DSCAM: variants seen among roughly 807,000 people sequenced by gnomAD.
The protein encoded by DSCAM is cell adhesion molecule DSCAM.
In DSCAM, 47 loss-of-function variants were observed where a neutral mutation model predicts 217.7. That is an observed-to-expected ratio of 0.22 (90% CI 0.17 to 0.28). DSCAM has a LOEUF of 0.28. DSCAM is among the 10% of genes least tolerant of loss of function. The probability of loss-of-function intolerance (pLI) is 1.00; values close to 1 mark genes in which losing one functional copy is unlikely to be tolerated. For synonymous variants in DSCAM, 1,056 were observed against 1,015.3 expected (o/e 1.04, Z -0.76); for missense variants, 2,080 against 2,618.3 (o/e 0.79, Z 4.49).
chr21:40,550,501 A>G (rs10211944), intron 3 of DSCAM, among the ~76,000 whole-genome samples: 85,968 of 152,026 alleles, frequency 0.57, 24,652 homozygotes, highest in South Asian at 0.62. Flanking sequence ...CTCCAGAATG[A>G]GTGACAGAGC....
intron 11 of DSCAM, among the ~76,000 whole-genome samples, chr21:40,241,529 T>C (rs192583314): frequency 6.6e-6 from 1 of 152,322 alleles, no homozygotes; most frequent in East Asian, 1.9e-4. Flanking sequence ...TGAACATTCA[T>C]ACACTGTTGG....
chr21:40,703,855 T>C (rs959343997), intron 2 of DSCAM, among the ~76,000 whole-genome samples: 1 of 152,168 alleles, frequency 6.6e-6, no homozygotes, highest in Non-Finnish European at 1.5e-5. Context: ...GTCATTAAGC[T>C]TCCTGAAGCA....
intron 32 of DSCAM, among the ~76,000 whole-genome samples, chr21:40,038,325 AAAAC>A (rs1242497985): frequency 3.0e-5 from 2 of 66,748 alleles, no homozygotes; most frequent in African/African-American, 1.1e-4. Flanking sequence ...TTACAAGATA[AAAAC>A]AAACAACCCC....
At chr21:40,775,678 G>C (rs549945344) in intron 1 of DSCAM, among the ~76,000 whole-genome samples, 5 of 152,174 alleles carry the variant, frequency 3.3e-5, no homozygotes, top group Non-Finnish European at 7.3e-5. Context: ...ACTTACACCA[G>C]CAGCTCCCAG....
chr21:40,608,576 A>T (rs1370674089), intron 3 of DSCAM, among the ~76,000 whole-genome samples: 1 of 152,178 alleles, frequency 6.6e-6, no homozygotes, highest in Non-Finnish European at 1.5e-5. Context: ...CAGCACTTTT[A>T]GTGTGCTTGT....
At chr21:40,098,130 T>C (rs996578590) in intron 20 of DSCAM, among the ~76,000 whole-genome samples, 5 of 151,582 alleles carry the variant, frequency 3.3e-5, no homozygotes, top group African/African-American at 1.2e-4. Flanking sequence ...TCAGACAAAA[T>C]AGATTTAAAA....
At chr21:40,492,543 CA>C (rs79018542) in intron 3 of DSCAM, among the ~76,000 whole-genome samples, 9,235 of 151,802 alleles carry the variant, frequency 0.061, 392 homozygotes, top group African/African-American at 0.12. Flanking sequence ...GTGAGATTGA[CA>C]TTTTTTTTTA....
At chr21:40,749,782 C>T (rs1415294192) in intron 1 of DSCAM, among the ~76,000 whole-genome samples, 1 of 152,140 alleles carries the variant, frequency 6.6e-6, no homozygotes, top group Non-Finnish European at 1.5e-5. Context: ...TCCATGTTTA[C>T]TCCAGCGCTG....
rs532152283 is a variant in DSCAM at position 40,813,405 on chromosome 21, A to G, written c.43+33214T>C. On this transcript the variant is annotated intron_variant, in intron 1 of 32. Transcript: ENST00000400454. Reference sequence around the variant, plus strand: ...CTTGAGGTCTGACATTAGATTGTCTATTTGGCACTTTCAGGCTTTGGGATG... The same window carrying G: ...CTTGAGGTCTGACATTAGATTGTCTGTTTGGCACTTTCAGGCTTTGGGATG... Among the ~76,000 whole-genome samples the G allele has an allele frequency of 4.6e-5, 7 of 152,180 alleles. No individual in the cohort carries two copies. In the South Asian group the frequency reaches 1.5e-3, roughly 32 times the overall value.
At chr21:40,767,913 C>T (rs1396349320) in intron 1 of DSCAM, among the ~76,000 whole-genome samples, 10 of 150,584 alleles carry the variant, frequency 6.6e-5, no homozygotes, top group South Asian at 2.1e-4. Flanking sequence ...TGTGTGTGTG[C>T]GTGTGTGCAT....
chr21:40,528,315 T>C (rs2076415926), intron 3 of DSCAM, among the ~76,000 whole-genome samples: 2 of 152,294 alleles, frequency 1.3e-5, no homozygotes, highest in African/African-American at 4.8e-5. Context: ...AGGAATAAAG[T>C]GGCTTCCTCT....
At chr21:40,620,405 G>A (rs1436614534) in intron 3 of DSCAM, among the ~76,000 whole-genome samples, 9 of 143,434 alleles carry the variant, frequency 6.3e-5, no homozygotes, top group East Asian at 2.1e-4. Context: ...AGAAAGAAAG[G>A]AGGGAGGGAG....
intron 1 of DSCAM, among the ~76,000 whole-genome samples, chr21:40,770,410 A>G (rs2091434232): frequency 6.6e-6 from 1 of 152,232 alleles, no homozygotes; most frequent in Non-Finnish European, 1.5e-5. Context: ...TGGCCAGCTT[A>G]GGCACCAATA....
intron 11 of DSCAM, 21 bp downstream of exon 11, chr21:40,276,076 G>A (rs776338423): frequency 1.1e-5 from 17 of 1,537,756 alleles, no homozygotes; most frequent in South Asian, 1.0e-4. Flanking sequence ...TAGGTAAAAC[G>A]AAGCATTTCT....
At chr21:40,274,666 C>T (rs2073663113) in intron 11 of DSCAM, among the ~76,000 whole-genome samples, 3 of 152,166 alleles carry the variant, frequency 2.0e-5, no homozygotes, top group South Asian at 2.1e-4. Flanking sequence ...TACCACAATT[C>T]GTTATCAAAT....
At chr21:40,791,697 G>A (rs2837823) in intron 1 of DSCAM, among the ~76,000 whole-genome samples, 68,698 of 152,068 alleles carry the variant, frequency 0.45, 17,427 homozygotes, top group South Asian at 0.65. Flanking sequence ...TGTCATTATA[G>A]TTCTTGGAGT....
intron 10 of DSCAM, among the ~76,000 whole-genome samples, chr21:40,290,845 A>G (rs9975281): frequency 0.33 from 50,779 of 152,114 alleles, 8,715 homozygotes; most frequent in South Asian, 0.37. Context: ...CAAATAACTC[A>G]TACTGAGCAC....
chr21:40,579,644 CAGAG>C (rs1165338945), intron 3 of DSCAM, among the ~76,000 whole-genome samples: 5 of 152,190 alleles, frequency 3.3e-5, no homozygotes, highest in Admixed American at 2.0e-4. Context: ...TCCAACCTAT[CAGAG>C]AGAAAAAGAT....
At chr21:40,294,304 G>A (rs145729223) in intron 10 of DSCAM, among the ~76,000 whole-genome samples, 3 of 152,324 alleles carry the variant, frequency 2.0e-5, no homozygotes, top group East Asian at 3.9e-4. Flanking sequence ...CAAAGGAGAA[G>A]TAGAAGTGGT....
Sources: allele counts gnomAD v4.1 joint callset (sites outside exome capture counted in the v4.1 genomes callset), GRCh38; gene constraint gnomAD v4.1.1; transcripts MANE v1.5; gene names NCBI Gene and HGNC (gene_info 2026-07-23, HGNC 2026-07-21).